TENM2: variants seen among roughly 807,000 people sequenced by gnomAD.
The protein encoded by TENM2 is teneurin transmembrane protein 2, also known as teneurin-2.
A neutral mutation model predicts 245.2 loss-of-function variants in TENM2; 52 were observed. The ratio of observed to expected loss-of-function variants is 0.21; its 90% CI spans 0.17 to 0.27. TENM2 has a LOEUF of 0.27. Ranked by LOEUF, TENM2 falls within the 10% of genes least tolerant of loss-of-function variation. TENM2 has a pLI of 1.00. For synonymous variants in TENM2, 1,363 were observed against 1,438.9 expected (o/e 0.95, Z 1.19); for missense variants, 3,046 against 3,666.8 (o/e 0.83, Z 4.37).
chr5:167,651,420 T>C (rs1754455685), intron 2 of TENM2, among the ~76,000 whole-genome samples: 1 of 151,808 alleles, frequency 6.6e-6, no homozygotes, highest in Admixed American at 6.6e-5. Flanking sequence ...ATTTTTTTTT[T>C]CTTGAGCCAC....
At chr5:166,985,575 T>C in the TENM2 span, among the ~76,000 whole-genome samples, 1 of 152,074 alleles carries the variant, frequency 6.6e-6, no homozygotes, top group African/African-American at 2.4e-5. Flanking sequence ...TGTTTATATA[T>C]CCCCACACAT....
chr5:167,312,627 A>G (rs1464371705), intron 1 of TENM2, among the ~76,000 whole-genome samples: 1 of 152,124 alleles, frequency 6.6e-6, no homozygotes, highest in East Asian at 1.9e-4. Flanking sequence ...TCTGATTCCT[A>G]TGGGAAAAAT....
the TENM2 span, among the ~76,000 whole-genome samples, chr5:167,074,294 C>CT: frequency 1.1e-4 from 16 of 151,936 alleles, no homozygotes; most frequent in East Asian, 1.9e-4. Context: ...CCTTTTTCTT[C>CT]TTTTTTTTAA....
chr5:166,989,168 C>A, the TENM2 span, among the ~76,000 whole-genome samples: 1 of 149,384 alleles, frequency 6.7e-6, no homozygotes, highest in East Asian at 2.0e-4. Context: ...CTCCTGGGTT[C>A]AAGTGATTCT....
chr5:167,711,750 A>C (rs906505058), intron 2 of TENM2, among the ~76,000 whole-genome samples: 13 of 152,148 alleles, frequency 8.5e-5, no homozygotes, highest in African/African-American at 3.1e-4. Flanking sequence ...CCAACCAGCC[A>C]CCTGTTCTTT....
the TENM2 span, among the ~76,000 whole-genome samples, chr5:167,265,920 A>T: frequency 6.6e-6 from 1 of 152,106 alleles, no homozygotes; most frequent in African/African-American, 2.4e-5. Flanking sequence ...ATTTTGCATT[A>T]TGGAAGCCAA....
chr5:167,652,245 T>C (rs1754522688), intron 2 of TENM2, among the ~76,000 whole-genome samples: 1 of 152,218 alleles, frequency 6.6e-6, no homozygotes, highest in Non-Finnish European at 1.5e-5. Context: ...CAAAGTCATC[T>C]TTTAAAAATG....
chr5:167,992,280 A>C (rs570827611), intron 4 of TENM2, among the ~76,000 whole-genome samples: 46 of 152,302 alleles, frequency 3.0e-4, no homozygotes, highest in Non-Finnish European at 5.9e-4. Context: ...TAAAAAAAAG[A>C]ATATATCTGG....
At chr5:167,375,532 G>T in intron 2 of TENM2, 59 bp downstream of exon 4, 1 of 1,490,050 alleles carries the variant, frequency 6.7e-7, no homozygotes, top group Non-Finnish European at 9.0e-7. Context: ...GTGGGGCTTT[G>T]AATGTTTTTG....
chr5:167,042,549 G>T, the TENM2 span, among the ~76,000 whole-genome samples: 1 of 152,150 alleles, frequency 6.6e-6, no homozygotes, highest in African/African-American at 2.4e-5. Context: ...TTAGAACCAC[G>T]AATTATAATA....
At chr5:167,160,767 AC>A in the TENM2 span, among the ~76,000 whole-genome samples, 1 of 152,156 alleles carries the variant, frequency 6.6e-6, no homozygotes, top group Admixed American at 6.5e-5. Flanking sequence ...ACCCTGAATT[AC>A]CTGAGGATGG....
At chr5:167,543,161 G>T (rs531159720) in intron 2 of TENM2, among the ~76,000 whole-genome samples, 1 of 152,118 alleles carries the variant, frequency 6.6e-6, no homozygotes, top group African/African-American at 2.4e-5. Context: ...AAGCACTTCC[G>T]TTTAGAGAGC....
At chr5:167,375,748 G>A (rs1288690644) in intron 2 of TENM2, among the ~76,000 whole-genome samples, 1 of 152,168 alleles carries the variant, frequency 6.6e-6, no homozygotes, top group African/African-American at 2.4e-5. Flanking sequence ...TGCAAAAGAG[G>A]CGGCTTGATA....
At chr5:167,449,708 A>C (rs1765462009) in intron 2 of TENM2, among the ~76,000 whole-genome samples, 1 of 152,160 alleles carries the variant, frequency 6.6e-6, no homozygotes, top group African/African-American at 2.4e-5. Flanking sequence ...CTGTAATCCC[A>C]GCACTTTGGG....
At chr5:168,001,604 A>G (rs936423618) in intron 5 of TENM2, among the ~76,000 whole-genome samples, 1 of 152,252 alleles carries the variant, frequency 6.6e-6, no homozygotes, top group African/African-American at 2.4e-5. Context: ...TTGCTTAGCT[A>G]CATGGCCTCA....
chr5:167,565,278 CA>C (rs1255268647), intron 2 of TENM2, among the ~76,000 whole-genome samples: 1 of 152,118 alleles, frequency 6.6e-6, no homozygotes, highest in Non-Finnish European at 1.5e-5. Context: ...CTTTTATTGC[CA>C]ATAATTATTC....
chr5:167,036,712 T>G, the TENM2 span, among the ~76,000 whole-genome samples: 10 of 152,198 alleles, frequency 6.6e-5, no homozygotes, highest in Non-Finnish European at 1.2e-4. Flanking sequence ...ACGTTGGTGT[T>G]TATTTTCCTG....
chr5:167,121,893 A>G, the TENM2 span, among the ~76,000 whole-genome samples: 133 of 152,322 alleles, frequency 8.7e-4, no homozygotes, highest in Non-Finnish European at 1.6e-3. Flanking sequence ...TTGAATTGAT[A>G]CAATGGGGAA....
At chr5:167,363,312 A>C (rs1227511184) in intron 1 of TENM2, among the ~76,000 whole-genome samples, 1 of 152,224 alleles carries the variant, frequency 6.6e-6, no homozygotes, top group Admixed American at 6.5e-5. Flanking sequence ...TATGTGTTCA[A>C]CACTACCACA....
Sources: allele counts gnomAD v4.1 joint callset (sites outside exome capture counted in the v4.1 genomes callset), GRCh38; gene constraint gnomAD v4.1.1; transcripts MANE v1.5; gene names NCBI Gene and HGNC (gene_info 2026-07-23, HGNC 2026-07-21).